PCDHA1: variants seen among roughly 807,000 people sequenced by gnomAD.
PCDHA1 encodes protocadherin alpha-1.
A neutral mutation model predicts 61.3 loss-of-function variants in PCDHA1; 42 were observed. The ratio of observed to expected loss-of-function variants is 0.69; its 90% CI spans 0.54 to 0.89. PCDHA1 has a LOEUF of 0.89. Ranked by LOEUF, PCDHA1 falls within the 40% of genes least tolerant of loss-of-function variation. PCDHA1 has a pLI of 0.00. For synonymous variants in PCDHA1, 610 were observed against 553.8 expected, an observed-to-expected ratio of 1.10 and a Z score of -1.43; for missense variants, 1,256 against 1,235.3, an observed-to-expected ratio of 1.02 and a Z score of -0.25.
intron 1 of PCDHA1, chr5:140,847,674 G>A (rs2150402803): frequency 6.7e-6 from 1 of 149,800 alleles, no homozygotes; most frequent in African/African-American, 2.4e-5. Flanking sequence ...AGCTTGGAAA[G>A]AATCAAAACA....
At chr5:140,863,386 T>A in intron 1 of PCDHA1, 1 of 1,032,574 alleles carries the variant, frequency 9.7e-7, no homozygotes, top group Non-Finnish European at 1.4e-6. Context: ...CGAGAGCTCG[T>A]GCATGCCGGG....
chr5:140,853,643 T>C, intron 1 of PCDHA1: 2 of 988,768 alleles, frequency 2.0e-6, no homozygotes, highest in Non-Finnish European at 2.4e-6. Flanking sequence ...AGACCTAAAT[T>C]GAGCCTGTTC....
chr5:140,856,859 G>A, intron 1 of PCDHA1: 1 of 1,594,674 alleles, frequency 6.3e-7, no homozygotes, highest in African/African-American at 1.3e-5. Flanking sequence ...TTCGGATGAA[G>A]GAATAAACAA....
chr5:140,787,410 G>A lies in PCDHA1; in HGVS notation c.1120G>A (p.Val374Met). 1 of 1,614,216 alleles carries A rather than the reference G, an allele frequency of 6.2e-7. No individual in the cohort carries two copies. The change falls in exon 1 of 4, where the codon GTG becomes ATG. Residue 374 changes from valine (V) to methionine (M), a missense_variant. By Grantham distance (21) the Val-to-Met change is conservative. Coordinates refer to ENST00000504120, the MANE Select transcript of PCDHA1 (RefSeq NM_018900.4). Reference sequence around the variant, plus strand: ...CAGCACCGTCATCGCCCTCATCACCGTGTCTGACCGTGACTCAGGTGCCAA... The same window carrying A: ...CAGCACCGTCATCGCCCTCATCACCATGTCTGACCGTGACTCAGGTGCCAA... ...PLSTVIALITVSDRDSGANGQ... is the reference protein window; with the variant it reads ...PLSTVIALITMSDRDSGANGQ...
At chr5:140,972,708 G>C (rs1309799075) in intron 1 of PCDHA1, among the ~76,000 whole-genome samples, 1 of 146,140 alleles carries the variant, frequency 6.8e-6, no homozygotes, top group East Asian at 2.0e-4. Context: ...TCTGTTGCCA[G>C]GCTGGAGTGC....
chr5:140,802,319 G>A (rs782049826), intron 1 of PCDHA1: 1 of 1,614,234 alleles, frequency 6.2e-7, no homozygotes, highest in Non-Finnish European at 8.5e-7. Flanking sequence ...TGATCAGCGT[G>A]TCCGACCGCG....
chr5:141,000,555 G>A (rs1395458694), intron 3 of PCDHA1, among the ~76,000 whole-genome samples: 1 of 148,762 alleles, frequency 6.7e-6, no homozygotes, highest in Non-Finnish European at 1.5e-5. Context: ...AAACTCCCGA[G>A]TAGCTGGGAT....
intron 1 of PCDHA1, chr5:140,827,875 C>G (rs2150149520): frequency 7.5e-4 from 485 of 643,822 alleles, no homozygotes; most frequent in Middle Eastern, 4.8e-3. Flanking sequence ...AGCACTGTTA[C>G]GTGAATTGAT....
intron 1 of PCDHA1, among the ~76,000 whole-genome samples, chr5:140,846,219 G>A (rs1780263856): frequency 6.7e-6 from 1 of 149,418 alleles, no homozygotes; most frequent in South Asian, 2.1e-4. Flanking sequence ...TCCATTAATA[G>A]TATTTTTCTT....
At chr5:140,844,738 A>G (rs1554140712) in intron 1 of PCDHA1, among the ~76,000 whole-genome samples, 2 of 149,560 alleles carry the variant, frequency 1.3e-5, no homozygotes, top group African/African-American at 4.9e-5. Context: ...AATATTTAGT[A>G]TTATGGGATA....
intron 3 of PCDHA1, among the ~76,000 whole-genome samples, chr5:140,994,308 C>T (rs1402344988): frequency 6.6e-6 from 1 of 152,086 alleles, no homozygotes; most frequent in African/African-American, 2.4e-5. Flanking sequence ...TTTCACAGGG[C>T]CCAAACACTC....
At chr5:140,814,148 T>G (rs1765442491) in intron 1 of PCDHA1, 2 of 153,200 alleles carry the variant, frequency 1.3e-5, no homozygotes, top group South Asian at 4.1e-4. Flanking sequence ...AAATATTTTC[T>G]CTTTATATCC....
chr5:140,951,703 C>T (rs1000873823), intron 1 of PCDHA1, among the ~76,000 whole-genome samples: 3 of 152,110 alleles, frequency 2.0e-5, no homozygotes, highest in Non-Finnish European at 2.9e-5. Context: ...GAGCTTTGGG[C>T]GGGGACACAG....
chr5:140,836,895 A>G (rs1339036250), intron 1 of PCDHA1: 1 of 615,448 alleles, frequency 1.6e-6, no homozygotes, highest in African/African-American at 1.9e-5. Context: ...ATTTGGAAGT[A>G]CGTTTAATAT....
chr5:140,917,485 C>T (rs191372458), intron 1 of PCDHA1, among the ~76,000 whole-genome samples: 1 of 152,326 alleles, frequency 6.6e-6, no homozygotes, highest in Admixed American at 6.5e-5. Flanking sequence ...TTGCCAGGGC[C>T]TATGCCCAGA....
rs2150223480 is a variant in PCDHA1 at position 140,834,653 on chromosome 5, C to A, written c.2394+45969C>A. 5.0e-6 allele frequency: 8 copies of A among 1,614,072 alleles called. No individual in the cohort carries two copies. The Admixed American group carries it at 1.3e-4, about 27-fold the overall frequency. On this transcript the variant is annotated intron_variant, in intron 1 of 3. Coordinates refer to ENST00000504120, the MANE Select transcript of PCDHA1 (RefSeq NM_018900.4). The stretch of plus-strand genomic sequence containing the variant: ...GCATTTTGTTTGTGAATTCTCGGAT[C>A]GACCGCGAGGAGCTGTGCGGGCGGA...
rs2150422105 is a variant in PCDHA1 at position 140,848,832 on chromosome 5, C to G, written c.2394+60148C>G. On this transcript the variant is annotated intron_variant, in intron 1 of 3. Transcript: ENST00000504120. ...CCACCTGGAGGTGATCGTAGACAGG[C>G]CGCTGCAGGTTTTCCATGTGGACGT... is the stretch of plus-strand genomic sequence containing the variant. 3.8e-6 allele frequency: 6 copies of G among 1,590,118 alleles called. 1 individual carries two copies. Among genetic ancestry groups the G allele is most frequent in the Non-Finnish European group, 5.2e-6 (6 of 1,161,950 alleles).
At chr5:140,875,078 G>A (rs1554167473) in intron 1 of PCDHA1, among the ~76,000 whole-genome samples, 1 of 152,164 alleles carries the variant, frequency 6.6e-6, no homozygotes, top group Non-Finnish European at 1.5e-5. Flanking sequence ...AAGCTACAGC[G>A]TAATAAAATT....
At chr5:140,969,588 T>A in intron 1 of PCDHA1, 1 of 849,870 alleles carries the variant, frequency 1.2e-6, no homozygotes, top group Non-Finnish European at 1.8e-6. Context: ...GGATTAGTCT[T>A]AATATTTAAT....
Sources: gnomAD v4.1 joint callset for allele counts (sites outside exome capture counted in the v4.1 genomes callset) on GRCh38, gnomAD v4.1.1 for gene constraint, MANE v1.5 for transcripts, NCBI Gene and HGNC (gene_info 2026-07-23, HGNC 2026-07-21) for gene names.